The following LINGO2 variants were observed in gnomAD, a reference collection of about 807,000 sequenced individuals.
LINGO2 encodes leucine rich repeat and Ig domain containing 2, also known as leucine-rich repeat and immunoglobulin-like domain-containing nogo receptor-interacting protein 2.
Under a neutral mutation model 30.6 loss-of-function variants are expected in LINGO2, and 14 were observed. The observed-to-expected ratio is 0.46, with a 90% CI of 0.30 to 0.72. The LOEUF (loss-of-function observed/expected upper bound fraction) is 0.72, where lower values mean the gene tolerates loss of function less well. Ranked by LOEUF, LINGO2 falls within the 30% of genes least tolerant of loss-of-function variation. The pLI is 0.07. For synonymous variants in LINGO2, 317 were observed against 288.5 expected (o/e 1.10, Z -1.00); for missense variants, 729 against 751.7 (o/e 0.97, Z 0.35).
the LINGO2 span, among the ~76,000 whole-genome samples, chr9:29,099,520 G>A: frequency 6.6e-6 from 1 of 151,512 alleles, no homozygotes; most frequent in Admixed American, 6.6e-5. Flanking sequence ...TATGAGGAGA[G>A]CAAAGAACTC....
At chr9:28,624,507 T>G (rs62547106) in intron 1 of LINGO2, among the ~76,000 whole-genome samples, 10,904 of 152,142 alleles carry the variant, frequency 0.072, 538 homozygotes, top group Admixed American at 0.18. Flanking sequence ...CTTGCATACC[T>G]TGAGTAAATC....
the LINGO2 span, among the ~76,000 whole-genome samples, chr9:28,931,577 C>T: frequency 6.6e-6 from 1 of 152,118 alleles, no homozygotes; most frequent in African/African-American, 2.4e-5. Context: ...CATGTTTTGT[C>T]AATTACCACA....
At chr9:28,183,403 G>T (rs1207817091) in intron 4 of LINGO2, among the ~76,000 whole-genome samples, 1 of 151,790 alleles carries the variant, frequency 6.6e-6, no homozygotes, top group Non-Finnish European at 1.5e-5. Context: ...TGCACATTAT[G>T]CACGTTTCCC....
At chr9:28,665,875 T>C (rs909678681) in intron 1 of LINGO2, among the ~76,000 whole-genome samples, 1 of 151,528 alleles carries the variant, frequency 6.6e-6, no homozygotes, top group African/African-American at 2.4e-5. Context: ...TACCAGACCA[T>C]AGATATTTGG....
intron 4 of LINGO2, among the ~76,000 whole-genome samples, chr9:28,110,980 C>G (rs1443886126): frequency 6.6e-6 from 1 of 152,084 alleles, no homozygotes; most frequent in Admixed American, 6.5e-5. Flanking sequence ...AGACTTGGAA[C>G]CAACCCAAAT....
chr9:28,580,388 T>C (rs1464257421), intron 1 of LINGO2, among the ~76,000 whole-genome samples: 1 of 152,052 alleles, frequency 6.6e-6, no homozygotes, highest in African/African-American at 2.4e-5. Flanking sequence ...CACTTAAAGT[T>C]ACCTTTCAGC....
At chr9:28,775,210 A>C in the LINGO2 span, among the ~76,000 whole-genome samples, 1 of 152,120 alleles carries the variant, frequency 6.6e-6, no homozygotes, top group Non-Finnish European at 1.5e-5. Context: ...AGCACAGGAA[A>C]GGTCCCGGTG....
intron 2 of LINGO2, among the ~76,000 whole-genome samples, chr9:28,455,582 G>T (rs1824812705): frequency 6.6e-6 from 1 of 152,080 alleles, no homozygotes; most frequent in Admixed American, 6.6e-5. Flanking sequence ...TAAAAGATAG[G>T]TATGGGTTTT....
intron 1 of LINGO2, among the ~76,000 whole-genome samples, chr9:28,643,828 C>T (rs1429119995): frequency 6.6e-6 from 1 of 151,828 alleles, no homozygotes; most frequent in Non-Finnish European, 1.5e-5. Context: ...GGAGGTCAAA[C>T]AACTCTATAG....
chr9:28,881,924 T>C, the LINGO2 span, among the ~76,000 whole-genome samples: 1 of 152,248 alleles, frequency 6.6e-6, no homozygotes, highest in Non-Finnish European at 1.5e-5. Context: ...AACCTTTTTC[T>C]TATGTTAACT....
intron 5 of LINGO2, among the ~76,000 whole-genome samples, chr9:28,005,776 A>C (rs1456327181): frequency 6.6e-6 from 1 of 151,914 alleles, no homozygotes; most frequent in Non-Finnish European, 1.5e-5. Context: ...GCATTTTTCA[A>C]ATCTTTCCTT....
At chr9:28,894,934 C>A in the LINGO2 span, among the ~76,000 whole-genome samples, 1 of 152,024 alleles carries the variant, frequency 6.6e-6, no homozygotes, top group Admixed American at 6.6e-5. Context: ...TCAAGCTATA[C>A]AATAGATGTA....
exon 2 of LINGO2, chr9:28,475,957 C>A (rs1201466918): frequency 6.6e-6 from 1 of 152,574 alleles, no homozygotes; most frequent in Non-Finnish European, 1.5e-5. Context: ...AATTGTTGGG[C>A]TCTTCATGCT....
chr9:28,622,381 T>A (rs955719507), intron 1 of LINGO2, among the ~76,000 whole-genome samples: 21 of 152,046 alleles, frequency 1.4e-4, no homozygotes, highest in Admixed American at 1.2e-3. Context: ...TATTTTAATT[T>A]TAATTAATAT....
the LINGO2 span, among the ~76,000 whole-genome samples, chr9:28,945,626 A>G: frequency 6.6e-6 from 1 of 152,162 alleles, no homozygotes; most frequent in Non-Finnish European, 1.5e-5. Context: ...AATCATGTTT[A>G]AAATGTAAAT....
chr9:29,000,191 C>G, the LINGO2 span, among the ~76,000 whole-genome samples: 1 of 151,824 alleles, frequency 6.6e-6, no homozygotes, highest in African/African-American at 2.4e-5. Flanking sequence ...CGGCATGGCC[C>G]TATGGACATA....
chr9:29,143,269 C>T, the LINGO2 span, among the ~76,000 whole-genome samples: 1 of 152,016 alleles, frequency 6.6e-6, no homozygotes, highest in African/African-American at 2.4e-5. Context: ...AGATCCAATA[C>T]AATCCCTATC....
the LINGO2 span, among the ~76,000 whole-genome samples, chr9:28,827,455 A>C: frequency 1.3e-5 from 2 of 152,214 alleles, no homozygotes; most frequent in African/African-American, 4.8e-5. Flanking sequence ...TAATCGCTCT[A>C]TGCCTCAGTT....
the LINGO2 span, among the ~76,000 whole-genome samples, chr9:28,888,309 C>T: frequency 3.3e-5 from 5 of 152,026 alleles, no homozygotes; most frequent in African/African-American, 4.8e-5. Context: ...TGAGATTTAA[C>T]AACAGATTCA....
Sources: allele counts gnomAD v4.1 joint callset (sites outside exome capture counted in the v4.1 genomes callset), GRCh38; gene constraint gnomAD v4.1.1; transcripts MANE v1.5; gene names NCBI Gene and HGNC (gene_info 2026-07-23, HGNC 2026-07-21).